PROSER1: variants seen among roughly 807,000 people sequenced by gnomAD.
PROSER1 encodes the protein proline and serine-rich protein 1.
A neutral mutation model predicts 71.8 loss-of-function variants in PROSER1; 36 were observed. That is an observed-to-expected ratio of 0.50 (90% CI 0.38 to 0.66). The LOEUF is 0.66. Among genes scored for constraint, PROSER1 ranks in the 30% least tolerant of loss-of-function variants. PROSER1 has a pLI of 0.00. For missense variants in PROSER1, 1,107 were observed against 1,135.0 expected (o/e 0.98, Z 0.35); for synonymous variants, 490 against 452.4 (o/e 1.08, Z -1.06).
chr13:39,011,941 A>C, intron 12 of PROSER1, 142 bp downstream of exon 12: 1 of 861,352 alleles, frequency 1.2e-6, no homozygotes, highest in Non-Finnish European at 1.8e-6. Context: ...GGAGAGAAGT[A>C]ATCATCATCA....
intron 12 of PROSER1, 50 bp from the exon 13 acceptor site, chr13:39,011,537 G>C: frequency 6.3e-7 from 1 of 1,595,448 alleles, no homozygotes; most frequent in African/African-American, 1.3e-5. Flanking sequence ...GTTCATTCAA[G>C]CCTGCGCTTG....
rs140678329 is a variant in PROSER1 at position 39,011,170 on chromosome 13, G to GTCAGCATATT, written c.*185_*194dup. 0.037 allele frequency: 21,723 copies of GTCAGCATATT among 583,428 alleles called. 677 individuals carry two copies. The highest frequency in any genetic ancestry group is 0.095 in the South Asian group (4,498 of 47,288). The allele number at this position is 583,428 out of a possible 1,614,324, so 36.1% of individuals were successfully genotyped here. A position where few individuals can be genotyped will look rare whatever the true frequency, so the allele number is the denominator to read the frequency against. On this transcript the variant is annotated 3_prime_UTR_variant, in exon 13 of 13. Coordinates refer to ENST00000352251, the MANE Select transcript of PROSER1 (RefSeq NM_025138.5). ...AATACCATTCTCCATACAATTTATTGTCAGCATATTTACATAGGGGAGTGT... is the reference window on the plus strand; with the variant it reads ...AATACCATTCTCCATACAATTTATTGTCAGCATATTTCAGCATATTTACATAGGGGAGTGT...
Position 39,013,025 on chromosome 13 carries a change from A to G in PROSER1, c.2227T>C (p.Ser743Pro), listed in dbSNP as rs1471985482. 1.2e-6 allele frequency: 2 copies of G among 1,613,974 alleles called. No individual in the cohort carries two copies. Among genetic ancestry groups the G allele is most frequent in the Non-Finnish European group, 1.7e-6 (2 of 1,179,984 alleles). ...ATSTSLPHPS[S>P]TAAVLSGLSA... ...AGCCCTGAGAGAACAGCTGCCGTTG[A>G]GCTAGGATGAGGGAGAGATGTGGAG... is the stretch of plus-strand genomic sequence containing the variant. Residue 743 changes from serine to proline, a missense_variant, in exon 11 of 13, where the codon TCA becomes CCA. By Grantham distance (74) the Ser-to-Pro change is moderately conservative. Coordinates refer to ENST00000352251, the MANE Select transcript of PROSER1 (RefSeq NM_025138.5).
intron 6 of PROSER1, among the ~76,000 whole-genome samples, chr13:39,024,911 T>C (rs1010899359): frequency 1.3e-4 from 20 of 152,328 alleles, no homozygotes; most frequent in African/African-American, 4.8e-4. Context: ...GCATAGTATT[T>C]GCATATAACC....
chr13:39,024,633 T>G (rs1401423935), intron 6 of PROSER1, 77 bp from the exon 7 acceptor site: 3 of 983,922 alleles, frequency 3.0e-6, no homozygotes, highest in Non-Finnish European at 4.5e-6. Context: ...CCAACCTCAC[T>G]GTATTACACT....
Position 39,012,791 on chromosome 13 carries a change from G to A in PROSER1, c.2461C>T (p.Leu821=), listed in dbSNP as rs750299331. 2 of 1,614,212 alleles carry A rather than the reference G, an allele frequency of 1.2e-6. No homozygotes were observed. Among genetic ancestry groups the A allele is most frequent in the Admixed American group, 1.7e-5 (1 of 60,026 alleles). The change falls in exon 11 of 13, where the codon CTA becomes TTA. Residue 821 remains leucine (L), a synonymous_variant. Transcript: ENST00000352251. ...GATGGGGCTGTGGCAGCCACAGGTAGTGGTGTGACAGCTGCGACTGTAGAG... is the reference window on the plus strand; with the variant it reads ...GATGGGGCTGTGGCAGCCACAGGTAATGGTGTGACAGCTGCGACTGTAGAG... ...APSTVAAVTP[L]PVAATAPSPA...
chr13:39,020,167 A>G (rs889209464), intron 9 of PROSER1, among the ~76,000 whole-genome samples: 16 of 152,042 alleles, frequency 1.1e-4, no homozygotes, highest in Non-Finnish European at 2.9e-5. Context: ...AAATATCTCT[A>G]AATTCTATAG....
At chr13:39,028,557 ATTTT>A (rs1235004247) in intron 4 of PROSER1, among the ~76,000 whole-genome samples, 2 of 152,182 alleles carry the variant, frequency 1.3e-5, no homozygotes, top group African/African-American at 2.4e-5. Context: ...AAAAATCATT[ATTTT>A]GAGATTTTTC....
chr13:39,023,382 AG>A (rs1870393342), intron 7 of PROSER1: 3 of 397,282 alleles, frequency 7.6e-6, no homozygotes. Flanking sequence ...ATCTCCAATA[AG>A]GGGTTAGATC....
chr13:39,035,068 T>C lies in PROSER1; in HGVS notation c.46-872A>G, dbSNP rs115622368. ...TGAACTAATCCCTTTGCTTGTACTA[T>C]AAAATAATTTTAATATTCATATTTT... On this transcript the variant is annotated intron_variant, in intron 1 of 12. Coordinates refer to ENST00000352251, the MANE Select transcript of PROSER1 (RefSeq NM_025138.5). 4.3e-3 allele frequency among the ~76,000 whole-genome samples: 659 copies of C among 152,322 alleles called. 9 individuals carry two copies. Among genetic ancestry groups the C allele is most frequent in the African/African-American group, 0.015 (631 of 41,566 alleles).
intron 9 of PROSER1, among the ~76,000 whole-genome samples, chr13:39,020,016 T>G (rs770486990): frequency 4.6e-5 from 7 of 151,642 alleles, no homozygotes; most frequent in Non-Finnish European, 1.0e-4. Flanking sequence ...AAGAAATATT[T>G]TATAGTAAGA....
chr13:39,027,711 C>T (rs55717716), intron 5 of PROSER1, among the ~76,000 whole-genome samples: 5 of 152,120 alleles, frequency 3.3e-5, no homozygotes, highest in Non-Finnish European at 5.9e-5. Context: ...AGCTTCCAGA[C>T]ATCGCAATCC....
chr13:39,035,388 C>T (rs929645447), intron 1 of PROSER1, among the ~76,000 whole-genome samples: 2 of 152,220 alleles, frequency 1.3e-5, no homozygotes, highest in South Asian at 2.1e-4. Context: ...TTGAATACTG[C>T]CCCCAGCCCC....
Position 39,037,335 on chromosome 13 carries a change from A to G in PROSER1, c.-93T>C. 2.1e-6 allele frequency: 2 copies of G among 935,462 alleles called. No homozygotes were observed. The highest frequency in any genetic ancestry group is 3.5e-6 in the Non-Finnish European group (2 of 570,608). 57.9% of individuals were successfully genotyped at this position (935,462 alleles called of 1,614,324 possible). A position where few individuals can be genotyped will look rare whatever the true frequency, so the allele number is the denominator to read the frequency against. ...GCTCCGCCGATAGTAAAAAATATTT[A>G]TAGCTGAGGAGGAAAAAGACTCCAC... is the stretch of plus-strand genomic sequence containing the variant. On this transcript the variant is annotated 5_prime_UTR_variant, in exon 1 of 13. Coordinates refer to ENST00000352251, the MANE Select transcript of PROSER1 (RefSeq NM_025138.5).
intron 1 of PROSER1, among the ~76,000 whole-genome samples, chr13:39,035,673 C>T (rs1871067929): frequency 6.6e-6 from 1 of 152,098 alleles, no homozygotes; most frequent in African/African-American, 2.4e-5. Flanking sequence ...TCTTATATGC[C>T]TCTGTTTTAA....
intron 9 of PROSER1, among the ~76,000 whole-genome samples, chr13:39,020,611 AAATT>A (rs1473152243): frequency 2.0e-5 from 3 of 152,196 alleles, no homozygotes; most frequent in East Asian, 3.8e-4. Flanking sequence ...ATATAAATAA[AAATT>A]AATTTTTTGT....
At chr13:39,022,493 CTATAT>C in intron 8 of PROSER1, 81 bp from the exon 9 acceptor site, 1 of 879,872 alleles carries the variant, frequency 1.1e-6, no homozygotes. Context: ...GGAGTTCAAA[CTATAT>C]TAATGCAGCT....
At chr13:39,012,617 A>T in intron 11 of PROSER1, 74 bp downstream of exon 11, 2 of 1,195,376 alleles carry the variant, frequency 1.7e-6, no homozygotes, top group Non-Finnish European at 2.4e-6. Context: ...ATTCATTTTG[A>T]TGACTTGAAA....
rs1400307589 is a variant in PROSER1, at chr13:39,010,595, A to G, written c.*770T>C. The stretch of plus-strand genomic sequence containing the variant: ...TCACCAGGAGCTTCCATAGTACAGT[A>G]AGTAACAGAGGTGGCCCAAGAGTCA... On this transcript the variant is annotated 3_prime_UTR_variant, in exon 13 of 13. Coordinates refer to ENST00000352251, the MANE Select transcript of PROSER1 (RefSeq NM_025138.5). 1 of 152,650 alleles carries G rather than the reference A, an allele frequency of 6.6e-6. No individual in the cohort carries two copies. The highest frequency in any genetic ancestry group is 1.5e-5 in the Non-Finnish European group (1 of 68,038). The allele number at this position is 152,650 out of a possible 1,614,324, so 9.5% of individuals were successfully genotyped here.
Sources: gnomAD v4.1 joint callset for allele counts (sites outside exome capture counted in the v4.1 genomes callset) on GRCh38, gnomAD v4.1.1 for gene constraint, MANE v1.5 for transcripts, NCBI Gene and HGNC (gene_info 2026-07-23, HGNC 2026-07-21) for gene names.